The following COL4A2 variants were observed in gnomAD, a reference collection of about 807,000 sequenced individuals.
COL4A2 encodes the protein collagen type IV alpha 2 chain, also known as collagen alpha-2(IV) chain.
A neutral mutation model predicts 200.2 loss-of-function variants in COL4A2; 99 were observed. That is an observed-to-expected ratio of 0.49 (90% CI 0.42 to 0.58). COL4A2 has a LOEUF of 0.58. COL4A2 is among the 20% of genes least tolerant of loss of function. The probability of loss-of-function intolerance (pLI) is 0.00; values close to 1 mark genes in which losing one functional copy is unlikely to be tolerated. For missense variants in COL4A2, 1,950 were observed against 2,314.1 expected, an observed-to-expected ratio of 0.84 and a Z score of 3.23; for synonymous variants, 897 against 900.6, an observed-to-expected ratio of 1.00 and a Z score of 0.07.
intron 4 of COL4A2, among the ~76,000 whole-genome samples, chr13:110,393,418 C>A (rs1879063951): frequency 6.6e-6 from 1 of 152,042 alleles, no homozygotes; most frequent in African/African-American, 2.4e-5. Flanking sequence ...TGAATACAAT[C>A]CAGTATAATG....
chr13:110,487,323 C>T (rs909924981), intron 34 of COL4A2, among the ~76,000 whole-genome samples: 2 of 152,230 alleles, frequency 1.3e-5, no homozygotes, highest in South Asian at 4.1e-4. Flanking sequence ...TTTGGTGCTG[C>T]GCACTCATAA....
At chr13:110,480,067 G>T (rs919366852) in intron 30 of COL4A2, among the ~76,000 whole-genome samples, 153 bp from the exon 31 acceptor site, 9 of 152,192 alleles carry the variant, frequency 5.9e-5, no homozygotes, top group African/African-American at 2.2e-4. Context: ...GTCCCGCTCC[G>T]GCCACACTTT....
intron 47 of COL4A2, among the ~76,000 whole-genome samples, chr13:110,509,245 TTATATATATATATATATA>T (rs374846915): frequency 1.4e-5 from 1 of 72,000 alleles, no homozygotes; most frequent in South Asian, 7.2e-4. Context: ...ATTTCATAAA[TTATATATATATATATATA>T]TATATATACA....
At chr13:110,423,685 C>G (rs1383238547) in intron 4 of COL4A2, among the ~76,000 whole-genome samples, 3 of 152,138 alleles carry the variant, frequency 2.0e-5, no homozygotes, top group Non-Finnish European at 4.4e-5. Context: ...CTTCCCAAAC[C>G]GAAGCTCTGT....
chr13:110,509,192 T>C (rs1883988598), intron 47 of COL4A2, among the ~76,000 whole-genome samples: 1 of 146,918 alleles, frequency 6.8e-6, no homozygotes, highest in Non-Finnish European at 1.5e-5. Flanking sequence ...ATTATAACTG[T>C]CATAACTCCA....
At chr13:110,459,430 C>A (rs7995461) in intron 22 of COL4A2, 73,197 of 152,310 alleles carry the variant, frequency 0.48, 18,292 homozygotes, top group Middle Eastern at 0.56. Context: ...TGTGGATGAA[C>A]CTGGAACATG....
At chr13:110,353,818 A>G (rs1877067867) in intron 3 of COL4A2, among the ~76,000 whole-genome samples, 1 of 152,190 alleles carries the variant, frequency 6.6e-6, no homozygotes, top group South Asian at 2.1e-4. Flanking sequence ...TGGCATGTCC[A>G]TGGAAACTGC....
chr13:110,430,497 G>GTACC, intron 9 of COL4A2, 48 bp from the exon 10 acceptor site: 1 of 1,614,178 alleles, frequency 6.2e-7, no homozygotes, highest in Non-Finnish European at 8.5e-7. Context: ...AGAACTCCAA[G>GTACC]TACCAGTTTA....
chr13:110,460,236 A>G (rs1881971928), intron 22 of COL4A2, among the ~76,000 whole-genome samples: 1 of 152,206 alleles, frequency 6.6e-6, no homozygotes. Flanking sequence ...GCTGACGGCC[A>G]TGACTCCCAA....
At chr13:110,438,543 G>A (rs1160337951) in intron 14 of COL4A2, 75 bp from the exon 15 acceptor site, 6 of 1,566,424 alleles carry the variant, frequency 3.8e-6, no homozygotes, top group Non-Finnish European at 5.3e-6. Context: ...CTGGAGCAGA[G>A]GATGACACGT....
In COL4A2 at chr13:110,353,791, G is replaced by A. The variant is rs149954969; in HGVS notation, c.100-3681G>A. 2.0e-3 allele frequency among the ~76,000 whole-genome samples: 301 copies of A among 152,302 alleles called. 1 individual carries two copies. Among genetic ancestry groups the A allele is most frequent in the African/African-American group, 6.8e-3 (281 of 41,570 alleles). Reference sequence around the variant, plus strand: ...AACACACATACACACATGCACGTGCGTGTGTGCACGCACGGCTGGCATGTC... The same window carrying A: ...AACACACATACACACATGCACGTGCATGTGTGCACGCACGGCTGGCATGTC... On this transcript the variant is annotated intron_variant, in intron 3 of 47. Transcript: ENST00000360467.
At chr13:110,408,048 C>T (rs1370390164) in intron 4 of COL4A2, among the ~76,000 whole-genome samples, 4 of 152,172 alleles carry the variant, frequency 2.6e-5, no homozygotes, top group African/African-American at 4.8e-5. Flanking sequence ...TCACTGAAGC[C>T]GTTTGGTGTG....
chr13:110,477,129 G>A lies in COL4A2; in HGVS notation c.2426-874G>A, dbSNP rs573091316. 1.5e-4 allele frequency among the ~76,000 whole-genome samples: 23 copies of A among 152,266 alleles called. No homozygotes were observed. In the South Asian group the frequency reaches 4.4e-3, roughly 29 times the overall value. ...TTTGGGAGGCCAAGGCGGGCAGATC[G>A]CATGAGCTCAGGAGTTTGAAACCAG... On this transcript the variant is annotated intron_variant, in intron 29 of 47. Coordinates refer to ENST00000360467, the MANE Select transcript of COL4A2 (RefSeq NM_001846.4).
At chr13:110,449,924 C>T (rs925539087) in intron 19 of COL4A2, 135 bp downstream of exon 19, 2 of 976,954 alleles carry the variant, frequency 2.0e-6, no homozygotes, top group African/African-American at 3.3e-5. Context: ...CTTAGCAGCT[C>T]TAAGGAGCCC....
In COL4A2 at chr13:110,506,550, G is replaced by A. The variant is rs1264516110; in HGVS notation, c.4538G>A (p.Ser1513Asn). 3 of 1,613,384 alleles carry A rather than the reference G, an allele frequency of 1.9e-6. No homozygotes were observed. Among genetic ancestry groups the A allele is most frequent in the African/African-American group, 2.7e-5 (2 of 74,922 alleles). Residue 1513 changes from serine to asparagine, a missense_variant, in exon 46 of 48, where the codon AGT becomes AAT. Physicochemically the swap from Ser to Asn is conservative, Grantham distance 46. This residue lies in a region of COL4A2 where 1,385 missense variants were observed against 1,720.5 expected (regional missense o/e 0.80). Transcript: ENST00000360467. ...MCPVGMNKLW[S>N]GYSLLYFEGQ... ...CCAGTGGGCATGAACAAACTCTGGA[G>A]TGGATACAGCCTGCTGTACTTCGAG... is the stretch of plus-strand genomic sequence containing the variant.
chr13:110,370,905 A>G (rs184467430), intron 4 of COL4A2, among the ~76,000 whole-genome samples: 2 of 152,368 alleles, frequency 1.3e-5, no homozygotes, highest in African/African-American at 2.4e-5. Flanking sequence ...AGGGATAGCT[A>G]TGCAGCCATC....
rs1369161291 is a variant in COL4A2 at position 110,508,579 on chromosome 13, C to T, written c.4881+358C>T. Among the ~76,000 whole-genome samples the T allele has an allele frequency of 6.6e-6, 1 of 152,212 alleles. No individual in the cohort carries two copies. Among genetic ancestry groups the T allele is most frequent in the Non-Finnish European group, 1.5e-5 (1 of 68,040 alleles). ...GTCTAAATATATGGGAGACTTTTCTCTAGAATCCTGATCTTATTTAGAATC... is the reference window on the plus strand; with the variant it reads ...GTCTAAATATATGGGAGACTTTTCTTTAGAATCCTGATCTTATTTAGAATC... On this transcript the variant is annotated intron_variant, in intron 47 of 47. Transcript: ENST00000360467. This position sits in a 1 kb window ranked among gnomAD's most constrained non-coding sequence, Gnocchi z 6.1.
chr13:110,312,857 G>A (rs1188021513), intron 3 of COL4A2, among the ~76,000 whole-genome samples: 2 of 152,218 alleles, frequency 1.3e-5, no homozygotes, highest in African/African-American at 2.4e-5. Flanking sequence ...GACACTTTAC[G>A]TGCTTTGGCT....
chr13:110,410,338 A>C (rs1594198696), intron 4 of COL4A2, among the ~76,000 whole-genome samples: 1 of 152,208 alleles, frequency 6.6e-6, no homozygotes. Context: ...TTCACGGTCA[A>C]ATGTATGTTT....
Sources: gnomAD v4.1 joint callset for allele counts (sites outside exome capture counted in the v4.1 genomes callset) on GRCh38, gnomAD v4.1.1 for gene constraint, gnomAD v4.1.1 regional missense constraint, Gnocchi (gnomAD v3.1) non-coding constraint, MANE v1.5 for transcripts, NCBI Gene and HGNC (gene_info 2026-07-23, HGNC 2026-07-21) for gene names.